FBN2: variants seen among roughly 807,000 people sequenced by gnomAD.
FBN2 encodes fibrillin 2, also known as fibrillin-2.
A neutral mutation model predicts 355.6 loss-of-function variants in FBN2; 105 were observed. The observed-to-expected ratio is 0.30, with a 90% CI of 0.25 to 0.35. The LOEUF is 0.35. Ranked by LOEUF, FBN2 falls within the 10% of genes least tolerant of loss-of-function variation. The pLI is 1.00. For missense variants in FBN2, 3,280 were observed against 3,758.7 expected, an observed-to-expected ratio of 0.87 and a Z score of 3.33; for synonymous variants, 1,350 against 1,301.2, an observed-to-expected ratio of 1.04 and a Z score of -0.81.
chr5:128,434,051 G>C (rs1295908220), intron 7 of FBN2, among the ~76,000 whole-genome samples: 3 of 151,966 alleles, frequency 2.0e-5, no homozygotes, highest in Non-Finnish European at 4.4e-5. Flanking sequence ...CTGGCACATG[G>C]AGAAACAATT....
chr5:128,508,837 A>G (rs546427723), intron 5 of FBN2, among the ~76,000 whole-genome samples: 1 of 152,102 alleles, frequency 6.6e-6, no homozygotes, highest in South Asian at 2.1e-4. Flanking sequence ...TTTACTTCTG[A>G]TTTTGAAAGA....
chr5:128,488,265 G>T (rs1755394403), intron 5 of FBN2, among the ~76,000 whole-genome samples: 1 of 152,128 alleles, frequency 6.6e-6, no homozygotes, highest in Non-Finnish European at 1.5e-5. Context: ...AACTGCCAGG[G>T]TGTAAGGGAC....
At position 128,328,736 on chromosome 5, in the gene FBN2, C is replaced by T. The variant is rs754703420; in HGVS notation, c.4431G>A (p.Glu1477=). 5.0e-6 allele frequency: 8 copies of T among 1,614,052 alleles called. No homozygotes were observed. In the African/African-American group the frequency reaches 1.1e-4, roughly 22 times the overall value. ...TGTCTGAGGCTGGAGTGAAGCCCAT[C>T]TCACACTCGCAGCGATATGCACCCG... is the stretch of plus-strand genomic sequence containing the variant. ...NVPGAYRCEC[E]MGFTPASDSR... The change falls in exon 34 of 65, where the codon GAG becomes GAA. Residue 1477 remains glutamate, a synonymous_variant. Transcript: ENST00000262464.
intron 7 of FBN2, among the ~76,000 whole-genome samples, chr5:128,438,326 A>G (rs546574808): frequency 5.9e-5 from 9 of 152,300 alleles, no homozygotes; most frequent in African/African-American, 2.2e-4. Flanking sequence ...ATTTTTTCCA[A>G]AAGCATATTA....
chr5:128,419,319 T>C (rs894248126), intron 7 of FBN2, among the ~76,000 whole-genome samples: 2 of 152,194 alleles, frequency 1.3e-5, no homozygotes, highest in African/African-American at 4.8e-5. Context: ...AATTGCATAA[T>C]TGCCTTGGCT....
At chr5:128,352,353 T>G (rs1468323958) in intron 20 of FBN2, among the ~76,000 whole-genome samples, 1 of 152,206 alleles carries the variant, frequency 6.6e-6, no homozygotes, top group African/African-American at 2.4e-5. Flanking sequence ...TCCTAACGTT[T>G]TAGACTGACT....
chr5:128,378,320 CA>C (rs1423120712), intron 12 of FBN2, among the ~76,000 whole-genome samples: 1 of 152,138 alleles, frequency 6.6e-6, no homozygotes. Flanking sequence ...GACAGGCAGT[CA>C]TCTGCTAAAA....
At chr5:128,401,515 G>T (rs1752797299) in intron 8 of FBN2, among the ~76,000 whole-genome samples, 1 of 152,170 alleles carries the variant, frequency 6.6e-6, no homozygotes, top group Non-Finnish European at 1.5e-5. Context: ...GGGCACAGTG[G>T]CTCACACCTG....
chr5:128,426,960 C>T (rs10046007), intron 7 of FBN2, among the ~76,000 whole-genome samples: 16,592 of 152,164 alleles, frequency 0.11, 1,069 homozygotes, highest in African/African-American at 0.17. Context: ...AGCAAAATGC[C>T]TCCCCTGACT....
rs761885259 is a variant in FBN2 at position 128,530,725 on chromosome 5, T to A, written c.338-32A>T. 5.4e-6 allele frequency: 7 copies of A among 1,301,718 alleles called. 1 individual carries two copies. In the South Asian group the frequency reaches 8.3e-5, roughly 15 times the overall value. The allele number at this position is 1,301,718 out of a possible 1,614,324, so 80.6% of individuals were successfully genotyped here. A position where few individuals can be genotyped will look rare whatever the true frequency, so the allele number is the denominator to read the frequency against. On this transcript the variant is annotated intron_variant, in intron 2 of 64. Transcript: ENST00000262464. ...AAAGCACAATAGGAAAATGAATGAATAACTATATAATAAACCATAGTTTAC... is the reference window on the plus strand; with the variant it reads ...AAAGCACAATAGGAAAATGAATGAAAAACTATATAATAAACCATAGTTTAC...
chr5:128,374,828 T>G (rs1054528470), intron 14 of FBN2, 78 bp from the exon 15 acceptor site: 4 of 1,447,668 alleles, frequency 2.8e-6, no homozygotes, highest in Non-Finnish European at 3.9e-6. Flanking sequence ...CAGCCACTGC[T>G]CTATACTACT....
intron 5 of FBN2, among the ~76,000 whole-genome samples, chr5:128,518,614 G>A (rs765494121): frequency 7.2e-5 from 11 of 152,138 alleles, no homozygotes; most frequent in African/African-American, 1.2e-4. Flanking sequence ...ACCAGGCAGC[G>A]TACAAAGTGT....
chr5:128,448,197 C>T (rs1754125653), intron 6 of FBN2, among the ~76,000 whole-genome samples: 1 of 150,792 alleles, frequency 6.6e-6, no homozygotes. Flanking sequence ...AGAATGCCTG[C>T]AGGAGTCTTC....
At chr5:128,526,400 A>G (rs759591927) in intron 4 of FBN2, among the ~76,000 whole-genome samples, 35 of 152,168 alleles carry the variant, frequency 2.3e-4, no homozygotes, top group Non-Finnish European at 4.3e-4. Flanking sequence ...ACTTCTGGGT[A>G]TACACCCAAA....
chr5:128,441,007 G>A (rs1336885129), intron 7 of FBN2, among the ~76,000 whole-genome samples: 1 of 152,158 alleles, frequency 6.6e-6, no homozygotes, highest in Non-Finnish European at 1.5e-5. Flanking sequence ...TGGAGCCAGT[G>A]AACTGCCAGG....
intron 5 of FBN2, among the ~76,000 whole-genome samples, chr5:128,479,090 A>G (rs773974375): frequency 8.5e-5 from 13 of 152,206 alleles, no homozygotes; most frequent in Non-Finnish European, 1.9e-4. Flanking sequence ...CATCACTACT[A>G]CCATAAGTAC....
chr5:128,404,462 GA>G (rs1212256948), intron 8 of FBN2, among the ~76,000 whole-genome samples: 15 of 152,196 alleles, frequency 9.9e-5, no homozygotes, highest in African/African-American at 3.1e-4. Flanking sequence ...TTAGCTTTCC[GA>G]ACCTCAAGTT....
At position 128,430,534 on chromosome 5, in the gene FBN2, G is replaced by A. The variant is rs527547910; in HGVS notation, c.952+15947C>T. On this transcript the variant is annotated intron_variant, in intron 7 of 64. Coordinates refer to ENST00000262464, the MANE Select transcript of FBN2 (RefSeq NM_001999.4). ...AGTAGTTGCTTATATGTTTTCTCTT[G>A]CAAAATCATATTGAAAAAATAAAAT... Among the ~76,000 whole-genome samples, 221 of 152,100 alleles carry A rather than the reference G, an allele frequency of 1.5e-3. 1 individual carries two copies. The highest frequency in any genetic ancestry group is 2.4e-3 in the Admixed American group (37 of 15,258).
chr5:128,479,968 CTCTCTCTCTATATATATATA>C (rs1274656196), intron 5 of FBN2, among the ~76,000 whole-genome samples: 61 of 29,208 alleles, frequency 2.1e-3, no homozygotes, highest in Admixed American at 3.2e-3. Flanking sequence ...CTCTCTCTCT[CTCTCTCTCTATATATATATA>C]TATATATATA....
Sources: allele counts gnomAD v4.1 joint callset (sites outside exome capture counted in the v4.1 genomes callset), GRCh38; gene constraint gnomAD v4.1.1; transcripts MANE v1.5; gene names NCBI Gene and HGNC (gene_info 2026-07-23, HGNC 2026-07-21).